LGMN: variants seen among roughly 807,000 people sequenced by gnomAD.
LGMN encodes the protein asparaginyl endopeptidase.
LGMN carries 36 observed loss-of-function variants against 56.8 expected under a neutral mutation model. The observed-to-expected ratio is 0.63, with a 90% CI of 0.49 to 0.84. LGMN has a LOEUF of 0.84. Among genes scored for constraint, LGMN ranks in the 40% least tolerant of loss-of-function variants. LGMN has a pLI of 0.00. For synonymous variants in LGMN, 199 were observed against 210.1 expected (o/e 0.95, Z 0.46); for missense variants, 446 against 556.1 (o/e 0.80, Z 1.99).
At chr14:92,735,403 C>T (rs988689917) in intron 1 of LGMN, among the ~76,000 whole-genome samples, 9 of 152,136 alleles carry the variant, frequency 5.9e-5, no homozygotes, top group East Asian at 3.9e-4. Flanking sequence ...GACAGGGTTT[C>T]GCCATGTTGC....
intron 1 of LGMN, among the ~76,000 whole-genome samples, chr14:92,734,763 C>A (rs568598067): frequency 6.6e-6 from 1 of 152,288 alleles, no homozygotes; most frequent in East Asian, 1.9e-4. Context: ...CCTGTGCCTC[C>A]GCGATAAGAA....
chr14:92,710,619 C>CTAT lies in LGMN; in HGVS notation c.820-748_820-747insATA, dbSNP rs1361626568. 2.8e-3 allele frequency among the ~76,000 whole-genome samples: 431 copies of CTAT among 152,312 alleles called. 3 individuals are homozygous for CTAT. Among genetic ancestry groups the CTAT allele is most frequent in the African/African-American group, 9.6e-3 (400 of 41,568 alleles). ...ACAACAGTTCTAAAATCAGCAATACCACACACACCAATCTATATAAAAACA... is the reference window on the plus strand; with the variant it reads ...ACAACAGTTCTAAAATCAGCAATACCTATACACACACCAATCTATATAAAAACA... On this transcript the variant is annotated intron_variant, in intron 10 of 13. Transcript: ENST00000334869.
Position 92,743,522 on chromosome 14 carries a change from C to A in LGMN, c.-30+4967G>T, listed in dbSNP as rs115172901. Among the ~76,000 whole-genome samples, 1,079 of 151,692 alleles carry A rather than the reference C, an allele frequency of 7.1e-3. 8 individuals are homozygous for A. Among genetic ancestry groups the A allele is most frequent in the African/African-American group, 0.025 (1,034 of 41,358 alleles). ...CGTCTCAAAAAAAAAAAAATCCAGG[C>A]CTGGTGTGGTGGCTTGCGCCTGTAA... On this transcript the variant is annotated intron_variant, in intron 1 of 13. Coordinates refer to ENST00000334869, the MANE Select transcript of LGMN (RefSeq NM_005606.7).
intron 10 of LGMN, among the ~76,000 whole-genome samples, chr14:92,711,086 G>C (rs1377226091): frequency 6.6e-6 from 1 of 152,218 alleles, no homozygotes; most frequent in Non-Finnish European, 1.5e-5. Flanking sequence ...GCTAGCCCCA[G>C]CAGCTTCACT....
chr14:92,715,278 G>T (rs904197999), intron 5 of LGMN, among the ~76,000 whole-genome samples: 22 of 151,414 alleles, frequency 1.5e-4, no homozygotes, highest in Non-Finnish European at 2.4e-4. Context: ...GAGTACAGTG[G>T]CACAATCTTG....
intron 12 of LGMN, among the ~76,000 whole-genome samples, chr14:92,705,518 C>CAAAT (rs1555396182): frequency 6.6e-6 from 1 of 151,106 alleles, no homozygotes; most frequent in Non-Finnish European, 1.5e-5. Flanking sequence ...AACAAACAAA[C>CAAAT]AAAAAAAACA....
At chr14:92,745,522 C>T (rs1419654219) in intron 1 of LGMN, among the ~76,000 whole-genome samples, 4 of 152,186 alleles carry the variant, frequency 2.6e-5, no homozygotes, top group African/African-American at 9.7e-5. Flanking sequence ...CCATCCTCCC[C>T]ACACTGCAAA....
intron 11 of LGMN, among the ~76,000 whole-genome samples, chr14:92,707,699 TTAAA>T (rs146159230): frequency 0.016 from 2,395 of 152,346 alleles, 61 homozygotes; most frequent in African/African-American, 0.054. Flanking sequence ...TGTAAATGAG[TTAAA>T]TATTTTTAAA....
At chr14:92,732,605 A>C in intron 2 of LGMN, 44 bp downstream of exon 2, 1 of 1,600,198 alleles carries the variant, frequency 6.2e-7, no homozygotes, top group South Asian at 1.1e-5. Context: ...TTGTTTTCAG[A>C]ATGCCAGTGT....
In LGMN at chr14:92,714,361, G is replaced by A. The variant is rs780561349; in HGVS notation, c.480+15C>T. The A allele has an allele frequency of 3.5e-5, 55 of 1,562,830 alleles. No individual in the cohort carries two copies. In the South Asian group the frequency reaches 3.8e-4, roughly 11 times the overall value. On this transcript the variant is annotated intron_variant, in intron 6 of 13. Transcript: ENST00000334869. This position sits in a 1 kb window ranked among gnomAD's most constrained non-coding sequence, Gnocchi z 5.1. The stretch of plus-strand genomic sequence containing the variant: ...TGTTCTGCTAGTTTGTCCTTAAAAC[G>A]TTAAGAAAACTCACATCTTCATTGG...
At chr14:92,715,374 C>A (rs991034917) in intron 5 of LGMN, among the ~76,000 whole-genome samples, 2 of 152,248 alleles carry the variant, frequency 1.3e-5, no homozygotes, top group African/African-American at 4.8e-5. Context: ...TGCCACCACG[C>A]CTGGCTAATT....
intron 1 of LGMN, among the ~76,000 whole-genome samples, chr14:92,737,520 CGACA>C (rs1002438201): frequency 1.3e-4 from 20 of 152,354 alleles, no homozygotes; most frequent in African/African-American, 4.1e-4. Context: ...CCAGCTCAAC[CGACA>C]GACAGCACAG....
intron 2 of LGMN, among the ~76,000 whole-genome samples, chr14:92,723,544 T>G (rs1890591403): frequency 6.6e-6 from 1 of 151,968 alleles, no homozygotes. Context: ...TAAACAGGAG[T>G]GAAGCACTGA....
intron 11 of LGMN, among the ~76,000 whole-genome samples, chr14:92,708,106 A>G (rs1885752): frequency 0.65 from 98,130 of 150,464 alleles, 32,344 homozygotes; most frequent in East Asian, 0.76. Flanking sequence ...AGCTGAGATC[A>G]TGCCATTGTA....
At position 92,714,386 on chromosome 14, in the gene LGMN, G is replaced by C; in HGVS notation, c.470C>G (p.Pro157Arg). 6.8e-6 allele frequency: 11 copies of C among 1,606,758 alleles called. No homozygotes were observed. Among genetic ancestry groups the C allele is most frequent in the Non-Finnish European group, 9.4e-6 (11 of 1,173,664 alleles). Residue 157 changes from proline to arginine, a missense_variant, in exon 6 of 14, where the codon CCC (proline) becomes CGC (arginine). Physicochemically the swap from Pro to Arg is moderately radical, Grantham distance 103. Coordinates refer to ENST00000334869, the MANE Select transcript of LGMN (RefSeq NM_005606.7). This position sits in a 1 kb window ranked among gnomAD's most constrained non-coding sequence, Gnocchi z 5.1. ...GTTAAGAAAACTCACATCTTCATTGGGAAAAACCAGTATTCCAGTAGATCC... is the reference window on the plus strand; with the variant it reads ...GTTAAGAAAACTCACATCTTCATTGCGAAAAACCAGTATTCCAGTAGATCC... Reference protein sequence around the residue: ...DHGSTGILVFPNEDLHVKDLN... With the variant: ...DHGSTGILVFRNEDLHVKDLN...
chr14:92,718,893 T>A (rs967722917), intron 2 of LGMN, 49 bp from the exon 3 acceptor site: 3 of 1,388,194 alleles, frequency 2.2e-6, no homozygotes, highest in Middle Eastern at 3.6e-4. Flanking sequence ...GGGAGGCCAA[T>A]TTTGGAGTTC....
intron 2 of LGMN, among the ~76,000 whole-genome samples, chr14:92,719,287 GCCGCCGCCGCCGCCA>G (rs1566924459): frequency 3.0e-4 from 18 of 59,822 alleles, no homozygotes; most frequent in African/African-American, 1.5e-3. Context: ...CACCGCCGCC[GCCGCCGCCGCCGCCA>G]CCGCCGCCAC....
At position 92,728,577 on chromosome 14, in the gene LGMN, C is replaced by A. The variant is rs989698276; in HGVS notation, c.138+4072G>T. Among the ~76,000 whole-genome samples, 4 of 152,106 alleles carry A rather than the reference C, an allele frequency of 2.6e-5. No individual in the cohort carries two copies. The South Asian group carries it at 6.2e-4, about 24-fold the overall frequency. ...ATCACTGAACAAACTTGTTATACGG[C>A]GCATGACTAATTACAAATGACCTGC... On this transcript the variant is annotated intron_variant, in intron 2 of 13. Coordinates refer to ENST00000334869, the MANE Select transcript of LGMN (RefSeq NM_005606.7).
chr14:92,747,850 T>C (rs1229294443), intron 1 of LGMN, among the ~76,000 whole-genome samples: 1 of 152,152 alleles, frequency 6.6e-6, no homozygotes, highest in East Asian at 1.9e-4. Context: ...AGCCCCCAGA[T>C]ACTATAATGC....
Sources: allele counts gnomAD v4.1 joint callset (sites outside exome capture counted in the v4.1 genomes callset), GRCh38; gene constraint gnomAD v4.1.1; non-coding constraint Gnocchi (gnomAD v3.1); transcripts MANE v1.5; gene names NCBI Gene and HGNC (gene_info 2026-07-23, HGNC 2026-07-21).